Variants in TEAD1 observed in about 807,000 individuals in gnomAD.
TEAD1 encodes transcriptional enhancer factor TEF-1.
In TEAD1, 9 loss-of-function variants were observed where a neutral mutation model predicts 54.9. The observed-to-expected ratio is 0.16, with a 90% confidence interval of 0.10 to 0.29. The LOEUF is 0.29. Ranked by LOEUF, TEAD1 falls within the 10% of genes least tolerant of loss-of-function variation. The pLI is 1.00. For missense variants in TEAD1, 387 were observed against 535.9 expected, an observed-to-expected ratio of 0.72 and a Z score of 2.74; for synonymous variants, 200 against 187.8, an observed-to-expected ratio of 1.07 and a Z score of -0.53.
At chr11:12,810,826 T>C (rs1005807247) in intron 3 of TEAD1, among the ~76,000 whole-genome samples, 1 of 152,150 alleles carries the variant, frequency 6.6e-6, no homozygotes, top group Non-Finnish European at 1.5e-5. Flanking sequence ...GGCTGCTAAC[T>C]CTCCTTCCTT....
intron 2 of TEAD1, among the ~76,000 whole-genome samples, chr11:12,730,559 G>A (rs1944402802): frequency 6.6e-6 from 1 of 151,410 alleles, no homozygotes; most frequent in African/African-American, 2.4e-5. Flanking sequence ...GGTTTCTAGA[G>A]CAGCGATGGC....
intron 11 of TEAD1, among the ~76,000 whole-genome samples, chr11:12,925,979 C>A (rs1948897485): frequency 6.6e-6 from 1 of 152,174 alleles, no homozygotes; most frequent in Non-Finnish European, 1.5e-5. Flanking sequence ...ACCTTCCTCC[C>A]TTTAAAAAGA....
chr11:12,924,016 G>T (rs892124233), intron 10 of TEAD1, among the ~76,000 whole-genome samples: 3 of 152,166 alleles, frequency 2.0e-5, no homozygotes, highest in Non-Finnish European at 2.9e-5. Context: ...TCCTTGGCAC[G>T]CAGGCTTTCA....
At chr11:12,853,308 G>A (rs1947311348) in intron 3 of TEAD1, among the ~76,000 whole-genome samples, 1 of 152,138 alleles carries the variant, frequency 6.6e-6, no homozygotes, top group African/African-American at 2.4e-5. Context: ...TGGTGGTGGT[G>A]TGTCATGAAA....
intron 2 of TEAD1, among the ~76,000 whole-genome samples, chr11:12,695,687 C>G (rs1425324921): frequency 6.6e-6 from 1 of 152,204 alleles, no homozygotes; most frequent in South Asian, 2.1e-4. Flanking sequence ...CTGATGGACT[C>G]TTTGGGGTTA....
At chr11:12,708,872 A>G (rs1373196738) in intron 2 of TEAD1, among the ~76,000 whole-genome samples, 1 of 152,230 alleles carries the variant, frequency 6.6e-6, no homozygotes, top group African/African-American at 2.4e-5. Context: ...TATTTTCAAT[A>G]TATATGTGTG....
chr11:12,836,085 T>A (rs1339602288), intron 3 of TEAD1, among the ~76,000 whole-genome samples: 2 of 152,132 alleles, frequency 1.3e-5, no homozygotes, highest in South Asian at 2.1e-4. Context: ...TAACATCATA[T>A]GATATCACAA....
chr11:12,689,022 T>TTTG (rs1554920229), intron 2 of TEAD1, among the ~76,000 whole-genome samples: 95 of 152,182 alleles, frequency 6.2e-4, no homozygotes, highest in African/African-American at 2.2e-3. Flanking sequence ...TGTTTTTTTT[T>TTTG]TTGTTGTTGT....
At chr11:12,861,364 G>T (rs1218700716) in intron 3 of TEAD1, among the ~76,000 whole-genome samples, 2 of 152,102 alleles carry the variant, frequency 1.3e-5, no homozygotes, top group African/African-American at 4.8e-5. Flanking sequence ...TCCCCAGAAG[G>T]TTATATAACT....
intron 3 of TEAD1, among the ~76,000 whole-genome samples, chr11:12,787,458 C>T (rs973206139): frequency 6.6e-6 from 1 of 152,102 alleles, no homozygotes; most frequent in African/African-American, 2.4e-5. Flanking sequence ...TGTCACATAC[C>T]TGGAGCTTTA....
chr11:12,759,007 CAT>C (rs1945047791), intron 2 of TEAD1, among the ~76,000 whole-genome samples: 1 of 151,896 alleles, frequency 6.6e-6, no homozygotes, highest in Admixed American at 6.6e-5. Context: ...CCTGTGACCT[CAT>C]AGAATATTGA....
At chr11:12,709,832 A>G (rs1017589030) in intron 2 of TEAD1, among the ~76,000 whole-genome samples, 1 of 152,074 alleles carries the variant, frequency 6.6e-6, no homozygotes, top group African/African-American at 2.4e-5. Context: ...CCCAGCCCTG[A>G]TAGTTTCTTT....
chr11:12,837,723 T>TTCTCCTTCTC (rs1946929626), intron 3 of TEAD1, among the ~76,000 whole-genome samples: 1 of 95,318 alleles, frequency 1.0e-5, no homozygotes, highest in Non-Finnish European at 2.4e-5. Context: ...TCCTTCTCCT[T>TTCTCCTTCTC]CTTCTTCTCC....
Position 12,888,983 on chromosome 11 carries a change from C to G in TEAD1, c.699+5858C>G, listed in dbSNP as rs571425666. On this transcript the variant is annotated intron_variant, in intron 9 of 12. Transcript: ENST00000527636. ...GGCTCTGTGTCATGTGTAAACCAGA[C>G]GGCAGCTTCCCCAAGTTGGTGGTGG... Among the ~76,000 whole-genome samples, 43 of 152,256 alleles carry G rather than the reference C, an allele frequency of 2.8e-4. No homozygotes were observed. The Middle Eastern group carries it at 0.014, about 48-fold the overall frequency.
intron 5 of TEAD1, among the ~76,000 whole-genome samples, chr11:12,874,287 A>G (rs1164262479): frequency 6.6e-6 from 1 of 152,254 alleles, no homozygotes; most frequent in African/African-American, 2.4e-5. Context: ...GCTGAGAAGC[A>G]GAAGGAAGAG....
At chr11:12,906,046 C>T (rs926393712) in intron 10 of TEAD1, among the ~76,000 whole-genome samples, 4 of 152,082 alleles carry the variant, frequency 2.6e-5, no homozygotes, top group Non-Finnish European at 5.9e-5. Context: ...CTACTGGCAT[C>T]CCAGGCCCCA....
At chr11:12,895,202 C>CCCA (rs1208914911) in intron 9 of TEAD1, among the ~76,000 whole-genome samples, 3 of 152,228 alleles carry the variant, frequency 2.0e-5, no homozygotes, top group African/African-American at 4.8e-5. Context: ...TTTATTAACC[C>CCCA]CCCCCGGGTA....
chr11:12,870,841 G>C (rs1947732350), intron 5 of TEAD1, among the ~76,000 whole-genome samples: 1 of 152,084 alleles, frequency 6.6e-6, no homozygotes, highest in South Asian at 2.1e-4. Flanking sequence ...AGCCGAGATT[G>C]TACTGCTGTA....
chr11:12,925,120 T>C lies in TEAD1; in HGVS notation c.1014+68T>C, dbSNP rs1948883196. 2.5e-6 allele frequency: 4 copies of C among 1,576,566 alleles called. No homozygotes were observed. The South Asian group carries it at 3.3e-5, about 13-fold the overall frequency. On this transcript the variant is annotated intron_variant, in intron 11 of 12. Transcript: ENST00000527636. ...ACTGTTGCCTTCCTTTAAACCTTCC[T>C]TGGGGCAGAGAGTTGTATTTTTGGA... is the stretch of plus-strand genomic sequence containing the variant.
Sources: allele counts gnomAD v4.1 joint callset (sites outside exome capture counted in the v4.1 genomes callset), GRCh38; gene constraint gnomAD v4.1.1; transcripts MANE v1.5; gene names NCBI Gene and HGNC (gene_info 2026-07-23, HGNC 2026-07-21).